The following AUTS2 variants were observed in gnomAD, a reference collection of about 807,000 sequenced individuals.
AUTS2 encodes the protein autism susceptibility gene 2 protein.
A neutral mutation model predicts 112.4 loss-of-function variants in AUTS2; 17 were observed. The ratio of observed to expected loss-of-function variants is 0.15; its 90% confidence interval spans 0.10 to 0.23. AUTS2 has a LOEUF of 0.23. AUTS2 is among the 10% of genes least tolerant of loss of function. The probability of loss-of-function intolerance (pLI) is 1.00; values close to 1 mark genes in which losing one functional copy is unlikely to be tolerated. For synonymous variants in AUTS2, 751 were observed against 702.7 expected, an observed-to-expected ratio of 1.07 and a Z score of -1.09; for missense variants, 1,510 against 1,701.6, an observed-to-expected ratio of 0.89 and a Z score of 1.98.
chr7:70,713,166 T>G (rs8180759), intron 6 of AUTS2, among the ~76,000 whole-genome samples: 115,534 of 152,132 alleles, frequency 0.76, 44,273 homozygotes, highest in East Asian at 1. Flanking sequence ...GACAAACTGT[T>G]CCATCGAGTT....
chr7:69,703,163 G>A (rs563740), intron 1 of AUTS2, among the ~76,000 whole-genome samples: 113,175 of 152,044 alleles, frequency 0.74, 42,262 homozygotes, highest in African/African-American at 0.81. Context: ...AGGTGTGTGC[G>A]GGAGCAGGTG....
chr7:69,775,893 C>G (rs528095319), intron 1 of AUTS2, among the ~76,000 whole-genome samples: 1 of 152,264 alleles, frequency 6.6e-6, no homozygotes, highest in Admixed American at 6.5e-5. Flanking sequence ...GGTCTCATTT[C>G]TCTGCTTTTA....
At chr7:70,104,189 T>G (rs1187986674) in intron 2 of AUTS2, among the ~76,000 whole-genome samples, 1 of 151,782 alleles carries the variant, frequency 6.6e-6, no homozygotes, top group Non-Finnish European at 1.5e-5. Flanking sequence ...TTTTTTTTTT[T>G]TACCAGCAGC....
At chr7:70,262,696 A>C (rs1242705474) in intron 4 of AUTS2, among the ~76,000 whole-genome samples, 1 of 152,344 alleles carries the variant, frequency 6.6e-6, no homozygotes, top group East Asian at 1.9e-4. Context: ...CATTGCCAAA[A>C]AATGTAAAAA....
intron 2 of AUTS2, among the ~76,000 whole-genome samples, chr7:70,115,760 A>G (rs773307772): frequency 6.6e-6 from 1 of 152,244 alleles, no homozygotes; most frequent in African/African-American, 2.4e-5. Context: ...AAACTTTATT[A>G]TCAGTATAAC....
At chr7:70,052,251 A>G (rs767955220) in intron 2 of AUTS2, among the ~76,000 whole-genome samples, 11 of 152,236 alleles carry the variant, frequency 7.2e-5, no homozygotes, top group South Asian at 2.1e-4. Context: ...TCCATTCATG[A>G]TAGGGGGTTC....
Position 69,747,055 on chromosome 7 carries a change from A to G in AUTS2, c.309+147093A>G, listed in dbSNP as rs150473319. On this transcript the variant is annotated intron_variant, in intron 1 of 18. Transcript: ENST00000342771. ...AGTATCTGTGTTGCTTGGGCCTAGC[A>G]TCTGTGTTTTCACAAATCCCCCAGG... is the stretch of plus-strand genomic sequence containing the variant. Among the ~76,000 whole-genome samples the G allele has an allele frequency of 2.0e-5, 3 of 152,338 alleles. No individual in the cohort carries two copies. In the East Asian group the frequency reaches 5.8e-4, roughly 29 times the overall value.
chr7:70,791,314 T>TGGGGGGGGGG lies in AUTS2; in HGVS notation c.*325_*326insGGGGGGGGGG, dbSNP rs147864778. ...TGGATGATAATTGTAGCGGGGGCGGTGGGGGGGAGAAGTCCACGCCATCCA... is the reference window on the plus strand; with the variant it reads ...TGGATGATAATTGTAGCGGGGGCGGTGGGGGGGGGGGGGGGGGAGAAGTCCACGCCATCCA... On this transcript the variant is annotated 3_prime_UTR_variant, in exon 19 of 19. Coordinates refer to ENST00000342771, the MANE Select transcript of AUTS2 (RefSeq NM_015570.4). 1.3e-5 allele frequency: 1 copy of TGGGGGGGGGG among 78,770 alleles called. No homozygotes were observed. The highest frequency in any genetic ancestry group is 6.0e-5 in the African/African-American group (1 of 16,604). 4.9% of individuals were successfully genotyped at this position (78,770 alleles called of 1,614,324 possible). A position where few individuals can be genotyped will look rare whatever the true frequency, so the allele number is the denominator to read the frequency against.
At chr7:69,618,913 C>CT (rs1277704825) in intron 1 of AUTS2, among the ~76,000 whole-genome samples, 1 of 152,074 alleles carries the variant, frequency 6.6e-6, no homozygotes, top group Non-Finnish European at 1.5e-5. Context: ...CCCTGGGGAG[C>CT]TTTAAAAAAG....
In AUTS2 at chr7:70,764,833, C is replaced by A; in HGVS notation, c.1296C>A (p.Pro432=). The A allele has an allele frequency of 1.5e-6, 2 of 1,375,112 alleles. No individual in the cohort carries two copies. The allele number at this position is 1,375,112 out of a possible 1,614,324, so 85.2% of individuals were successfully genotyped here. A position where few individuals can be genotyped will look rare whatever the true frequency, so the allele number is the denominator to read the frequency against. The change falls in exon 8 of 19, where the codon CCC becomes CCA. Residue 432 remains proline, a synonymous_variant. Coordinates refer to ENST00000342771, the MANE Select transcript of AUTS2 (RefSeq NM_015570.4). Reference sequence around the variant, plus strand: ...ACCACCCCTCTGCCTCCCCGTTCCCCCTCTCCCTGCCCAACCACAGCCCCC... The same window carrying A: ...ACCACCCCTCTGCCTCCCCGTTCCCACTCTCCCTGCCCAACCACAGCCCCC... The part of the protein sequence containing the change: ...ISHHPSASPF[P]LSLPNHSPLH...
rs1584478638 is a variant in AUTS2, at chr7:69,946,518, T to A, written c.522+47020T>A. Among the ~76,000 whole-genome samples the A allele has an allele frequency of 2.0e-5, 3 of 151,640 alleles. No individual in the cohort carries two copies. The South Asian group carries it at 6.3e-4, about 32-fold the overall frequency. On this transcript the variant is annotated intron_variant, in intron 2 of 18. Coordinates refer to ENST00000342771, the MANE Select transcript of AUTS2 (RefSeq NM_015570.4). The stretch of plus-strand genomic sequence containing the variant: ...CAAGACGTGGAAACAACCTTAAGTG[T>A]CCATTGATGGATGAATGGATAAAGA...
intron 5 of AUTS2, among the ~76,000 whole-genome samples, chr7:70,673,691 G>A (rs1807763634): frequency 6.6e-6 from 1 of 152,032 alleles, no homozygotes; most frequent in Non-Finnish European, 1.5e-5. Flanking sequence ...GTACTCTTTT[G>A]ATCCTACCTG....
At chr7:70,158,866 T>C (rs2129577148) in intron 4 of AUTS2, among the ~76,000 whole-genome samples, 1 of 152,330 alleles carries the variant, frequency 6.6e-6, no homozygotes, top group South Asian at 2.1e-4. Context: ...ATCATCTACC[T>C]ATGATATACT....
At chr7:70,314,885 C>T (rs538629051) in intron 4 of AUTS2, among the ~76,000 whole-genome samples, 1 of 152,268 alleles carries the variant, frequency 6.6e-6, no homozygotes, top group South Asian at 2.1e-4. Flanking sequence ...CTTGTACCTG[C>T]TGTCTTTTTC....
At chr7:70,783,337 G>A (rs1381795618) in intron 15 of AUTS2, 3 of 152,178 alleles carry the variant, frequency 2.0e-5, no homozygotes, top group Non-Finnish European at 4.4e-5. Flanking sequence ...CTCCTCAGGT[G>A]TCTTCCAATT....
intron 4 of AUTS2, among the ~76,000 whole-genome samples, chr7:70,273,213 TTA>T (rs1288033942): frequency 2.0e-5 from 3 of 152,060 alleles, no homozygotes; most frequent in Non-Finnish European, 2.9e-5. Context: ...CTGGCTAATT[TTA>T]TATGTTTTTG....
rs1011942743 is a variant in AUTS2, at chr7:70,017,434, T to C, written c.523-100698T>C. 5.3e-5 allele frequency among the ~76,000 whole-genome samples: 8 copies of C among 152,372 alleles called. No individual in the cohort carries two copies. In the South Asian group the frequency reaches 1.0e-3, roughly 20 times the overall value. On this transcript the variant is annotated intron_variant, in intron 2 of 18. Coordinates refer to ENST00000342771, the MANE Select transcript of AUTS2 (RefSeq NM_015570.4). Reference sequence around the variant, plus strand: ...TAAATTAATCACAGTCCTTAATCACTGTAACCTTTAAACATTGCAGTCTTG... The same window carrying C: ...TAAATTAATCACAGTCCTTAATCACCGTAACCTTTAAACATTGCAGTCTTG...
At position 69,880,373 on chromosome 7, in the gene AUTS2, G is replaced by A. The variant is rs1012973987; in HGVS notation, c.310-18913G>A. Among the ~76,000 whole-genome samples, 4 of 152,170 alleles carry A rather than the reference G, an allele frequency of 2.6e-5. No individual in the cohort carries two copies. The East Asian group carries it at 7.7e-4, about 29-fold the overall frequency. ...AACCATATCACCCAGCTGGGAAAATGGATTGTTAATAGTACCTGCATACAG... is the reference window on the plus strand; with the variant it reads ...AACCATATCACCCAGCTGGGAAAATAGATTGTTAATAGTACCTGCATACAG... On this transcript the variant is annotated intron_variant, in intron 1 of 18. Coordinates refer to ENST00000342771, the MANE Select transcript of AUTS2 (RefSeq NM_015570.4).
At chr7:69,652,512 G>A (rs1795340608) in intron 1 of AUTS2, among the ~76,000 whole-genome samples, 1 of 151,306 alleles carries the variant, frequency 6.6e-6, no homozygotes, top group South Asian at 2.1e-4. Flanking sequence ...CTTAGGAGCT[G>A]GAAGCATTCT....
Sources: allele counts gnomAD v4.1 joint callset (sites outside exome capture counted in the v4.1 genomes callset), GRCh38; gene constraint gnomAD v4.1.1; transcripts MANE v1.5; gene names NCBI Gene and HGNC (gene_info 2026-07-23, HGNC 2026-07-21).